Variants in NBAS observed in about 807,000 individuals in gnomAD.
NBAS encodes NAG/BC035112 fusion.
Under a neutral mutation model 302.5 loss-of-function variants are expected in NBAS, and 219 were observed. The ratio of observed to expected loss-of-function variants is 0.72; its 90% CI spans 0.65 to 0.81. The LOEUF is 0.81. NBAS is among the 30% of genes least tolerant of loss of function. NBAS has a pLI of 0.00. For missense variants in NBAS, 2,932 were observed against 2,841.6 expected (o/e 1.03, Z -0.72); for synonymous variants, 1,118 against 1,021.6 (o/e 1.09, Z -1.80).
chr2:15,516,029 A>T (rs530241711), intron 9 of NBAS, among the ~76,000 whole-genome samples: 2 of 152,224 alleles, frequency 1.3e-5, no homozygotes, highest in Non-Finnish European at 1.5e-5. Flanking sequence ...GTGGGGTCAC[A>T]CTGTTTAAAA....
the NBAS span, among the ~76,000 whole-genome samples, chr2:15,125,020 G>A: frequency 2.0e-5 from 3 of 152,280 alleles, no homozygotes; most frequent in Admixed American, 6.5e-5. Flanking sequence ...CCATCCTCCA[G>A]ACCCAAGAAT....
the NBAS span, among the ~76,000 whole-genome samples, chr2:15,046,365 T>C: frequency 6.6e-6 from 1 of 152,212 alleles, no homozygotes; most frequent in Non-Finnish European, 1.5e-5. Flanking sequence ...TTTAAGAATA[T>C]AAAAAATCTC....
At chr2:14,811,997 A>G in the NBAS span, among the ~76,000 whole-genome samples, 29 of 152,338 alleles carry the variant, frequency 1.9e-4, no homozygotes, top group African/African-American at 6.7e-4. Context: ...AATGAGATCA[A>G]TGTATTATTT....
At chr2:15,355,620 A>G (rs79306484) in intron 33 of NBAS, among the ~76,000 whole-genome samples, 1 of 152,080 alleles carries the variant, frequency 6.6e-6, no homozygotes, top group African/African-American at 2.4e-5. Context: ...GCAATTTCTC[A>G]TGGTTTAACA....
intron 40 of NBAS, among the ~76,000 whole-genome samples, chr2:15,302,044 G>C (rs1265458377): frequency 6.6e-6 from 1 of 152,198 alleles, no homozygotes; most frequent in Admixed American, 6.5e-5. Context: ...ATGAAGACAA[G>C]GTGATGTTCA....
chr2:15,134,616 GCAGA>G, the NBAS span, among the ~76,000 whole-genome samples: 4 of 152,202 alleles, frequency 2.6e-5, no homozygotes, highest in African/African-American at 9.6e-5. Context: ...TCTTTGTACA[GCAGA>G]CAGTCAGAAA....
At chr2:15,364,298 G>A (rs1007561178) in intron 32 of NBAS, among the ~76,000 whole-genome samples, 4 of 152,132 alleles carry the variant, frequency 2.6e-5, no homozygotes, top group Admixed American at 6.5e-5. Context: ...TTGGGAGGCC[G>A]AGGCAGGTGG....
At chr2:14,942,708 T>C in the NBAS span, among the ~76,000 whole-genome samples, 23,706 of 152,076 alleles carry the variant, frequency 0.16, 2,550 homozygotes, top group African/African-American at 0.31. Context: ...AAACCCCCTA[T>C]TGACACAAGG....
chr2:15,058,602 C>A, the NBAS span, among the ~76,000 whole-genome samples: 75,062 of 152,024 alleles, frequency 0.49, 20,829 homozygotes, highest in African/African-American at 0.77. Flanking sequence ...TAACACTCAC[C>A]CAGCTTATTC....
At chr2:14,861,982 G>A in the NBAS span, among the ~76,000 whole-genome samples, 11 of 152,166 alleles carry the variant, frequency 7.2e-5, no homozygotes, top group Non-Finnish European at 1.6e-4. Flanking sequence ...AGGAATTAAG[G>A]CCGGTATCTG....
chr2:15,286,960 A>G (rs981282517), intron 42 of NBAS, 113 bp downstream of exon 42: 2 of 806,964 alleles, frequency 2.5e-6, no homozygotes, highest in Non-Finnish European at 4.2e-6. Context: ...ACACTAGTCC[A>G]CTGTAGATTA....
intron 42 of NBAS, among the ~76,000 whole-genome samples, chr2:15,284,008 G>A (rs765494225): frequency 2.0e-5 from 3 of 152,098 alleles, no homozygotes; most frequent in East Asian, 1.9e-4. Context: ...AGTCTGGGGG[G>A]TTCAACATGC....
chr2:15,307,474 T>C (rs746214176), intron 40 of NBAS, among the ~76,000 whole-genome samples: 1 of 152,204 alleles, frequency 6.6e-6, no homozygotes, highest in Non-Finnish European at 1.5e-5. Context: ...CTCAATAAAA[T>C]CTGGACCTTG....
chr2:14,812,859 G>T, the NBAS span, among the ~76,000 whole-genome samples: 3 of 152,156 alleles, frequency 2.0e-5, no homozygotes, highest in Non-Finnish European at 2.9e-5. Flanking sequence ...TGGAGGTGGG[G>T]TCTGGTGGGA....
At chr2:15,267,995 G>C (rs913487782) in intron 44 of NBAS, among the ~76,000 whole-genome samples, 2 of 152,162 alleles carry the variant, frequency 1.3e-5, no homozygotes, top group African/African-American at 4.8e-5. Flanking sequence ...TCCAAAAGAT[G>C]TACTATTATA....
the NBAS span, among the ~76,000 whole-genome samples, chr2:14,832,225 G>A: frequency 6.6e-6 from 1 of 152,194 alleles, no homozygotes; most frequent in Non-Finnish European, 1.5e-5. Context: ...AACTTAAACA[G>A]AGAAGGAGCA....
Position 15,547,187 on chromosome 2 carries a change from T to C in NBAS, c.379+4306A>G, listed in dbSNP as rs908177303. On this transcript the variant is annotated intron_variant, in intron 6 of 51. Transcript: ENST00000281513. The stretch of plus-strand genomic sequence containing the variant: ...TGGCATGTATTTTATAAAACAATAA[T>C]TGAAAAATATCAGAGTAGAACCAAA... Among the ~76,000 whole-genome samples the C allele has an allele frequency of 1.3e-5, 2 of 152,222 alleles. 1 individual carries two copies. The highest frequency in any genetic ancestry group is 4.1e-4 in the South Asian group (2 of 4,838).
intron 40 of NBAS, among the ~76,000 whole-genome samples, chr2:15,293,548 A>G (rs1241984033): frequency 6.6e-6 from 1 of 152,130 alleles, no homozygotes; most frequent in Non-Finnish European, 1.5e-5. Context: ...CTGAGCCATG[A>G]TTTTGGAATT....
intron 33 of NBAS, among the ~76,000 whole-genome samples, chr2:15,354,922 A>G (rs1673539355): frequency 6.6e-6 from 1 of 152,170 alleles, no homozygotes; most frequent in Admixed American, 6.6e-5. Context: ...AAATCATTTT[A>G]GCAAGGATCC....
Sources: gnomAD v4.1 joint callset for allele counts (sites outside exome capture counted in the v4.1 genomes callset) on GRCh38, gnomAD v4.1.1 for gene constraint, MANE v1.5 for transcripts, NCBI Gene and HGNC (gene_info 2026-07-23, HGNC 2026-07-21) for gene names.